Variants in SMU1 observed in about 807,000 individuals in gnomAD.
SMU1 encodes the protein SMU1 DNA replication regulator and spliceosomal factor, also known as WD40 repeat-containing protein SMU1.
Under a neutral mutation model 62.0 loss-of-function variants are expected in SMU1, and 2 were observed. The observed-to-expected ratio is 0.03, with a 90% CI of 0.01 to 0.10. The LOEUF (loss-of-function observed/expected upper bound fraction) is 0.10, where lower values mean the gene tolerates loss of function less well. Among genes scored for constraint, SMU1 ranks in the 10% least tolerant of loss-of-function variants. SMU1 has a pLI of 1.00. For synonymous variants in SMU1, 188 were observed against 212.4 expected (o/e 0.89, Z 1.00); for missense variants, 227 against 622.1 (o/e 0.36, Z 6.76).
rs142845487 is a variant in SMU1, at chr9:33,060,937, C to G, written c.631-353G>C. On this transcript the variant is annotated intron_variant, in intron 5 of 11. Transcript: ENST00000397149. ...AGCCACTGTTAGCGTGACTTTCACACTCAGTATGGCCTAATATGTTCCTGT... is the reference window on the plus strand; with the variant it reads ...AGCCACTGTTAGCGTGACTTTCACAGTCAGTATGGCCTAATATGTTCCTGT... Among the ~76,000 whole-genome samples the G allele has an allele frequency of 7.2e-5, 11 of 152,332 alleles. No individual in the cohort carries two copies. The East Asian group carries it at 2.1e-3, about 29-fold the overall frequency.
chr9:33,065,669 C>T (rs1839411655), intron 4 of SMU1, among the ~76,000 whole-genome samples: 2 of 152,106 alleles, frequency 1.3e-5, no homozygotes, highest in African/African-American at 4.8e-5. Flanking sequence ...AATCACATAC[C>T]CTTCAAGCAC....
rs149035481 is a variant in SMU1 at position 33,056,941 on chromosome 9, T to C, written c.891A>G (p.Gln297=). The C allele has an allele frequency of 8.9e-4, 1,440 of 1,613,064 alleles. 8 individuals are homozygous for C. In the African/African-American group the frequency reaches 0.017, roughly 19 times the overall value. Residue 297 remains glutamine (Q), a synonymous_variant, in exon 8 of 12, where the codon CAA becomes CAG. Transcript: ENST00000397149. ...KIKVWKIQSG[Q]CLRRFERAHS... ...GTGCCCTCTCAAATCTCCTTAAACA[T>C]TGTCCACTCTGAATCTTCCACACCT...
At position 33,076,584 on chromosome 9, in the gene SMU1, C is replaced by T; in HGVS notation, c.25G>A (p.Asp9Asn). 6.2e-7 allele frequency: 1 copy of T among 1,613,930 alleles called. No homozygotes were observed. Among genetic ancestry groups the T allele is most frequent in the Non-Finnish European group, 8.5e-7 (1 of 1,180,038 alleles). MSIEIESSDVIRLIMQYLK... is the reference protein window; with the variant it reads MSIEIESSNVIRLIMQYLK... ...GAACATCCCCACCGCAGGACTCACT[C>T]CGAAGATTCGATTTCGATCGACATA... Residue 9 changes from aspartate to asparagine, a missense_variant and splice_region_variant, in exon 1 of 12, where the codon GAT becomes AAT. By Grantham distance (23) the Asp-to-Asn change is conservative. Around this residue, in one of 5 missense-constraint regions of SMU1, gnomAD observed 99 missense variants for 270.3 expected, o/e 0.37. Transcript: ENST00000397149.
chr9:33,047,417 G>C (rs953934561), intron 11 of SMU1, 26 bp from the exon 12 acceptor site: 6 of 1,592,592 alleles, frequency 3.8e-6, no homozygotes, highest in Non-Finnish European at 4.3e-6. Flanking sequence ...CACAGGGTTA[G>C]GATGTACAGA....
intron 9 of SMU1, among the ~76,000 whole-genome samples, chr9:33,054,176 CT>C (rs75382780): frequency 3.7e-3 from 528 of 141,368 alleles, no homozygotes; most frequent in Non-Finnish European, 3.8e-3. Flanking sequence ...CTTTTCTTTT[CT>C]TTTTTTTTTT....
intron 6 of SMU1, among the ~76,000 whole-genome samples, chr9:33,058,334 T>C (rs570773308): frequency 4.6e-5 from 7 of 152,210 alleles, no homozygotes; most frequent in Admixed American, 2.6e-4. Context: ...TATTTATTTT[T>C]GAGACAGAGT....
At chr9:33,060,648 T>C in intron 5 of SMU1, 64 bp from the exon 6 acceptor site, 1 of 1,595,464 alleles carries the variant, frequency 6.3e-7, no homozygotes, top group Non-Finnish European at 8.5e-7. Context: ...CAATTCCTTT[T>C]TTAACCTTTT....
intron 2 of SMU1, among the ~76,000 whole-genome samples, chr9:33,072,860 A>G (rs1321554558): frequency 6.6e-6 from 1 of 151,842 alleles, no homozygotes; most frequent in Admixed American, 6.6e-5. Context: ...ACCCGTAAAC[A>G]AAAACCAAAA....
intron 3 of SMU1, among the ~76,000 whole-genome samples, 161 bp downstream of exon 3, chr9:33,071,579 G>A (rs2026831): frequency 0.03 from 4,536 of 149,972 alleles, 218 homozygotes; most frequent in African/African-American, 0.11. Flanking sequence ...TTTAACATAC[G>A]CAAATTTCAG....
intron 7 of SMU1, 56 bp downstream of exon 7, chr9:33,057,542 C>A: frequency 6.3e-7 from 1 of 1,598,614 alleles, no homozygotes. Flanking sequence ...GGACACTACC[C>A]CATAGCAGAA....
intron 4 of SMU1, among the ~76,000 whole-genome samples, chr9:33,067,740 C>G (rs777815580): frequency 3.0e-4 from 46 of 152,018 alleles, no homozygotes; most frequent in African/African-American, 1.1e-3. Flanking sequence ...CTCAGGTGAT[C>G]CACCCACCTT....
chr9:33,057,809 C>G (rs1839318970), intron 6 of SMU1, 95 bp from the exon 7 acceptor site: 19 of 1,515,592 alleles, frequency 1.3e-5, no homozygotes, highest in Non-Finnish European at 1.5e-5. Context: ...TGGATTGTAC[C>G]TACTCTAAAC....
chr9:33,058,781 A>G (rs1839330999), intron 6 of SMU1, among the ~76,000 whole-genome samples: 1 of 152,218 alleles, frequency 6.6e-6, no homozygotes, highest in South Asian at 2.1e-4. Context: ...GTAGGAAAAA[A>G]GATGAATAAA....
Position 33,076,666 on chromosome 9 carries a change from A to G in SMU1, c.-58T>C. The stretch of plus-strand genomic sequence containing the variant: ...TCCCTCAAGGCCAGTCGCGCAACAC[A>G]CCAACGACACCTCCGGCGGACACCT... On this transcript the variant is annotated 5_prime_UTR_variant, in exon 1 of 12. Coordinates refer to ENST00000397149, the MANE Select transcript of SMU1 (RefSeq NM_018225.3). The G allele has an allele frequency of 6.2e-7, 1 of 1,611,612 alleles. No homozygotes were observed. The highest frequency in any genetic ancestry group is 8.5e-7 in the Non-Finnish European group (1 of 1,178,970).
intron 8 of SMU1, among the ~76,000 whole-genome samples, chr9:33,056,484 T>C (rs995243210): frequency 6.6e-6 from 1 of 152,152 alleles, no homozygotes; most frequent in African/African-American, 2.4e-5. Flanking sequence ...GGGACAGACC[T>C]CTAAAAAACA....
intron 9 of SMU1, among the ~76,000 whole-genome samples, chr9:33,054,423 A>G (rs1280293714): frequency 1.3e-5 from 2 of 152,220 alleles, no homozygotes; most frequent in Non-Finnish European, 2.9e-5. Flanking sequence ...TCCAATGTAC[A>G]GTTTATACTG....
At chr9:33,059,369 G>C (rs1484210298) in intron 6 of SMU1, among the ~76,000 whole-genome samples, 1 of 144,742 alleles carries the variant, frequency 6.9e-6, no homozygotes, top group East Asian at 2.1e-4. Flanking sequence ...ACAAGTGTAG[G>C]AGCAAAACAC....
At chr9:33,054,079 G>A (rs931154761) in intron 9 of SMU1, among the ~76,000 whole-genome samples, 1 of 152,022 alleles carries the variant, frequency 6.6e-6, no homozygotes, top group Admixed American at 6.5e-5. Context: ...GAGGCCAGGA[G>A]TTCAAGACCA....
rs973255480 is a variant in SMU1, at chr9:33,047,386, G to A, written c.1449C>T (p.His483=). Residue 483 remains histidine (H), a synonymous_variant, in exon 12 of 12, where the codon CAC becomes CAT. Coordinates refer to ENST00000397149, the MANE Select transcript of SMU1 (RefSeq NM_018225.3). ...TGKLERTLTV[H]EKDVIGIAHH... ...GTGCAATACCAATCACATCCTTCTC[G>A]TGCACCTGGAACATGTAAAGCACAG... 6.2e-6 allele frequency: 10 copies of A among 1,613,226 alleles called. No homozygotes were observed. Among genetic ancestry groups the A allele is most frequent in the African/African-American group, 1.3e-5 (1 of 74,832 alleles).
Sources: gnomAD v4.1 joint callset for allele counts (sites outside exome capture counted in the v4.1 genomes callset) on GRCh38, gnomAD v4.1.1 for gene constraint, gnomAD v4.1.1 regional missense constraint, MANE v1.5 for transcripts, NCBI Gene and HGNC (gene_info 2026-07-23, HGNC 2026-07-21) for gene names.